Variants in CDK14 observed in about 807,000 individuals in gnomAD.
CDK14 encodes the protein cyclin dependent kinase 14, also known as cyclin-dependent kinase 14.
In CDK14, 34 loss-of-function variants were observed where a neutral mutation model predicts 60.7. The observed-to-expected ratio is 0.56, with a 90% CI of 0.43 to 0.75. CDK14 has a LOEUF of 0.75. CDK14 is among the 30% of genes least tolerant of loss of function. CDK14 has a pLI of 0.00. For missense variants in CDK14, 482 were observed against 564.1 expected (o/e 0.85, Z 1.47); for synonymous variants, 197 against 203.7 (o/e 0.97, Z 0.28).
At chr7:90,877,866 A>G (rs1322995681) in intron 6 of CDK14, among the ~76,000 whole-genome samples, 1 of 152,124 alleles carries the variant, frequency 6.6e-6, no homozygotes, top group African/African-American at 2.4e-5. Context: ...ACTGAGTGGT[A>G]TCTTGTAAGG....
At chr7:90,691,631 C>T (rs948676226) in intron 2 of CDK14, among the ~76,000 whole-genome samples, 5 of 152,030 alleles carry the variant, frequency 3.3e-5, no homozygotes, top group Admixed American at 1.3e-4. Context: ...AGTGAAGTGA[C>T]GTTGCTTCCA....
chr7:91,117,999 T>TTA, intron 13 of CDK14, 66 bp from the exon 14 acceptor site: 4 of 851,488 alleles, frequency 4.7e-6, no homozygotes, highest in Non-Finnish European at 7.2e-6. Context: ...TCCATTTTTT[T>TTA]AAAAAAAAAA....
At chr7:91,042,198 T>C (rs1011823312) in intron 10 of CDK14, among the ~76,000 whole-genome samples, 1 of 152,184 alleles carries the variant, frequency 6.6e-6, no homozygotes, top group Non-Finnish European at 1.5e-5. Flanking sequence ...ACACGGGGGC[T>C]GAGCATCGTG....
Position 90,711,354 on chromosome 7 carries a change from CCT to C in CDK14, c.124-15208_124-15207del, listed in dbSNP as rs537286019. ...TTCTTCCAAAGATAGATCAAATTTACCTCTCTTTTTTTTTAAACTTTTTTTTT... is the reference window on the plus strand; with the variant it reads ...TTCTTCCAAAGATAGATCAAATTTACCTCTTTTTTTTTAAACTTTTTTTTT... On this transcript the variant is annotated intron_variant, in intron 2 of 14. Coordinates refer to ENST00000380050, the MANE Select transcript of CDK14 (RefSeq NM_001287135.2). 3.9e-5 allele frequency among the ~76,000 whole-genome samples: 6 copies of C among 151,994 alleles called. No homozygotes were observed. In the East Asian group the frequency reaches 7.8e-4, roughly 20 times the overall value.
At chr7:91,003,758 GA>G (rs1226266888) in intron 10 of CDK14, among the ~76,000 whole-genome samples, 1 of 152,176 alleles carries the variant, frequency 6.6e-6, no homozygotes, top group African/African-American at 2.4e-5. Context: ...AGGAGATTGG[GA>G]AATGTAACCT....
intron 7 of CDK14, among the ~76,000 whole-genome samples, chr7:90,908,894 T>G (rs1792801533): frequency 6.6e-6 from 1 of 152,180 alleles, no homozygotes; most frequent in Non-Finnish European, 1.5e-5. Context: ...ACTCCAAGGC[T>G]TTTAAACTCA....
intron 7 of CDK14, among the ~76,000 whole-genome samples, chr7:90,903,477 G>A (rs1176013682): frequency 6.6e-6 from 1 of 152,086 alleles, no homozygotes; most frequent in Non-Finnish European, 1.5e-5. Context: ...AAGACAAATA[G>A]GGTGTATTTA....
At chr7:91,104,868 A>G (rs1799240780) in intron 12 of CDK14, among the ~76,000 whole-genome samples, 1 of 152,224 alleles carries the variant, frequency 6.6e-6, no homozygotes, top group Non-Finnish European at 1.5e-5. Context: ...CAATGAAAGA[A>G]TACCAGGGAG....
chr7:90,622,065 G>T (rs922530711), intron 2 of CDK14, among the ~76,000 whole-genome samples: 1 of 152,244 alleles, frequency 6.6e-6, no homozygotes, highest in Non-Finnish European at 1.5e-5. Flanking sequence ...AATGCTAAAA[G>T]TGTATTAGGG....
intron 14 of CDK14, among the ~76,000 whole-genome samples, chr7:91,185,338 CT>C: frequency 1.8e-5 from 1 of 57,072 alleles, no homozygotes; most frequent in East Asian, 2.3e-4. Flanking sequence ...TATGCATCTC[CT>C]TTTCCAAAAC....
At chr7:91,165,243 C>T (rs1402962212) in intron 14 of CDK14, among the ~76,000 whole-genome samples, 1 of 152,184 alleles carries the variant, frequency 6.6e-6, no homozygotes, top group Non-Finnish European at 1.5e-5. Context: ...TTGCACATTT[C>T]TTCCAACCTC....
chr7:91,096,687 A>G (rs1223109826), intron 12 of CDK14, among the ~76,000 whole-genome samples: 3 of 152,090 alleles, frequency 2.0e-5, no homozygotes, highest in Admixed American at 1.3e-4. Context: ...CTCCTCTTTT[A>G]ATGGAAGTGC....
At chr7:90,636,597 T>C (rs1800155747) in intron 2 of CDK14, among the ~76,000 whole-genome samples, 1 of 151,750 alleles carries the variant, frequency 6.6e-6, no homozygotes, top group Admixed American at 6.6e-5. Flanking sequence ...AAAATTCTCT[T>C]TTTTGGTTGT....
intron 8 of CDK14, among the ~76,000 whole-genome samples, chr7:90,948,522 G>A (rs972442339): frequency 1.2e-4 from 18 of 152,320 alleles, no homozygotes; most frequent in Middle Eastern, 3.4e-3. Flanking sequence ...AGTACTTAAA[G>A]TTAACCTAGT....
rs535819619 is a variant in CDK14, at chr7:91,167,981, G to A, written c.*29-39184G>A. 6.6e-5 allele frequency among the ~76,000 whole-genome samples: 10 copies of A among 152,176 alleles called. No individual in the cohort carries two copies. The South Asian group carries it at 2.1e-3, about 32-fold the overall frequency. ...GCTATAACCTAAAAACTGATAATTG[G>A]GGCCGGGCATGTTGGCTTATGCCTG... On this transcript the variant is annotated intron_variant, in intron 14 of 14. Transcript: ENST00000380050.
intron 6 of CDK14, among the ~76,000 whole-genome samples, chr7:90,885,473 G>A (rs1256204734): frequency 2.6e-5 from 4 of 151,956 alleles, no homozygotes; most frequent in African/African-American, 7.2e-5. Context: ...TTACTTGTTG[G>A]TGGGATTGTC....
At position 91,209,388 on chromosome 7, in the gene CDK14, T is replaced by C. The variant is rs900280572; in HGVS notation, c.*2252T>C. On this transcript the variant is annotated 3_prime_UTR_variant, in exon 15 of 15. Coordinates refer to ENST00000380050, the MANE Select transcript of CDK14 (RefSeq NM_001287135.2). ...GCCACCCATACAGGAAATCCAAAGT[T>C]TGGTGTCTCTCTCTCTCTGTCTCTT... 1.2e-4 allele frequency: 5 copies of C among 41,868 alleles called. No individual in the cohort carries two copies. Among genetic ancestry groups the C allele is most frequent in the Non-Finnish European group, 2.4e-4 (5 of 20,752 alleles). 2.6% of individuals were successfully genotyped at this position (41,868 alleles called of 1,614,324 possible). A position where few individuals can be genotyped will look rare whatever the true frequency, so the allele number is the denominator to read the frequency against.
intron 2 of CDK14, among the ~76,000 whole-genome samples, chr7:90,613,691 A>G (rs555083213): frequency 6.6e-6 from 1 of 151,614 alleles, no homozygotes; most frequent in African/African-American, 2.4e-5. Flanking sequence ...TGTCTCAAAA[A>G]TAAAAAAAAA....
chr7:90,673,411 T>TTCCCTCCC (rs948609966), intron 2 of CDK14, among the ~76,000 whole-genome samples: 12 of 151,810 alleles, frequency 7.9e-5, no homozygotes, highest in Non-Finnish European at 1.3e-4. Context: ...GGAACCTGCA[T>TTCCCTCCC]TCCCTCCCTC....
Sources: allele counts gnomAD v4.1 joint callset (sites outside exome capture counted in the v4.1 genomes callset), GRCh38; gene constraint gnomAD v4.1.1; transcripts MANE v1.5; gene names NCBI Gene and HGNC (gene_info 2026-07-23, HGNC 2026-07-21).